Variants in DHRSX observed in about 807,000 individuals in gnomAD.
The protein encoded by DHRSX is polyprenol dehydrogenase.
DHRSX carries 31 observed loss-of-function variants against 34.0 expected under a neutral mutation model. The observed-to-expected ratio is 0.91, with a 90% confidence interval of 0.69 to 1.23. The LOEUF (loss-of-function observed/expected upper bound fraction) is 1.23. Among genes scored for constraint, DHRSX ranks in the 50% most tolerant of loss-of-function variants. DHRSX has a pLI of 0.00. For synonymous variants in DHRSX, 201 were observed against 183.8 expected (o/e 1.09, Z -0.76); for missense variants, 414 against 428.1 (o/e 0.97, Z 0.29).
intron 3 of DHRSX, among the ~76,000 whole-genome samples, chrX:2,356,824 G>C (rs1268103498): frequency 6.6e-6 from 1 of 152,110 alleles, no homozygotes; most frequent in Non-Finnish European, 1.5e-5. Context: ...GCTTACTTTA[G>C]TCTAAGCATA....
At chrX:2,469,103 T>A (rs1338055253) in intron 1 of DHRSX, among the ~76,000 whole-genome samples, 1 of 150,898 alleles carries the variant, frequency 6.6e-6, no homozygotes, top group African/African-American at 2.4e-5. Flanking sequence ...ACCACTGCCA[T>A]GTACACACTG....
chrX:2,474,553 C>A lies in DHRSX; in HGVS notation c.109+26264G>T, dbSNP rs1015182687. Among the ~76,000 whole-genome samples the A allele has an allele frequency of 5.3e-5, 8 of 150,280 alleles. 1 individual carries two copies. The highest frequency in any genetic ancestry group is 2.0e-4 in the African/African-American group (8 of 40,704). On this transcript the variant is annotated intron_variant, in intron 1 of 6. Transcript: ENST00000334651. Reference sequence around the variant, plus strand: ...TGAAGCCATTCCTTAAGCATGTGGCCCAAGGGACTGCCACGCTGTGCATAC... The same window carrying A: ...TGAAGCCATTCCTTAAGCATGTGGCACAAGGGACTGCCACGCTGTGCATAC...
intron 2 of DHRSX, among the ~76,000 whole-genome samples, chrX:2,415,117 C>A (rs767929772): frequency 1.3e-5 from 2 of 151,960 alleles, no homozygotes; most frequent in African/African-American, 4.8e-5. Context: ...CTCATCATGA[C>A]CAATGCACTA....
intron 3 of DHRSX, among the ~76,000 whole-genome samples, chrX:2,394,797 C>T (rs1449751959): frequency 1.3e-5 from 2 of 150,786 alleles, no homozygotes; most frequent in South Asian, 2.1e-4. Context: ...ACCTGGGAGG[C>T]GGAAGTTGCC....
At position 2,437,946 on chromosome X, in the gene DHRSX, C is replaced by T. The variant is rs545074768; in HGVS notation, c.110-12642G>A. ...AACAATATGTGGCAACCATTCTAAG[C>T]GAACCTCAGATGAAGCACCTTGAAG... On this transcript the variant is annotated intron_variant, in intron 1 of 6. Coordinates refer to ENST00000334651, the MANE Select transcript of DHRSX (RefSeq NM_145177.3). Among the ~76,000 whole-genome samples the T allele has an allele frequency of 6.6e-5, 10 of 151,444 alleles. No homozygotes were observed. The South Asian group carries it at 2.1e-3, about 32-fold the overall frequency.
chrX:2,314,434 G>A (rs867650702), intron 3 of DHRSX, among the ~76,000 whole-genome samples: 179 of 81,520 alleles, frequency 2.2e-3, no homozygotes, highest in South Asian at 3.8e-3. Context: ...AGGGGAGAAG[G>A]GAGGAAGGAA....
At chrX:2,380,022 C>A (rs778051671) in intron 3 of DHRSX, among the ~76,000 whole-genome samples, 1 of 152,124 alleles carries the variant, frequency 6.6e-6, no homozygotes, top group African/African-American at 2.4e-5. Flanking sequence ...ATTGGCCGGG[C>A]CCATTCGCTC....
intron 6 of DHRSX, among the ~76,000 whole-genome samples, chrX:2,234,137 A>G (rs1462108779): frequency 2.6e-5 from 4 of 151,614 alleles, no homozygotes; most frequent in Admixed American, 6.6e-5. Flanking sequence ...GGATCCATGC[A>G]CATGCATTCA....
At chrX:2,322,880 C>T (rs1426072192) in intron 3 of DHRSX, among the ~76,000 whole-genome samples, 4 of 151,938 alleles carry the variant, frequency 2.6e-5, no homozygotes, top group African/African-American at 2.4e-5. Context: ...TGTGTGACGC[C>T]CCTAACTCCC....
At chrX:2,344,780 G>A (rs1357679863) in intron 3 of DHRSX, among the ~76,000 whole-genome samples, 1 of 150,282 alleles carries the variant, frequency 6.7e-6, no homozygotes, top group Middle Eastern at 3.4e-3. Context: ...GGGTTGATGG[G>A]TGCAGCAACC....
intron 1 of DHRSX, among the ~76,000 whole-genome samples, chrX:2,435,690 A>C (rs2043982795): frequency 6.6e-6 from 1 of 152,170 alleles, no homozygotes; most frequent in Admixed American, 6.6e-5. Context: ...GTTTGAGCCC[A>C]GGACTTGAAG....
At chrX:2,343,962 G>A (rs1398242384) in intron 3 of DHRSX, among the ~76,000 whole-genome samples, 1 of 152,130 alleles carries the variant, frequency 6.6e-6, no homozygotes. Flanking sequence ...AAGGGCTCAA[G>A]CCATTTCAGT....
At chrX:2,238,784 C>T (rs939016767) in intron 6 of DHRSX, among the ~76,000 whole-genome samples, 4 of 151,498 alleles carry the variant, frequency 2.6e-5, no homozygotes, top group Non-Finnish European at 5.9e-5. Context: ...GGTGTTTCAC[C>T]ATGTTTGACA....
intron 3 of DHRSX, among the ~76,000 whole-genome samples, chrX:2,372,647 T>C (rs28667034): frequency 0.32 from 48,086 of 150,628 alleles, 8,343 homozygotes; most frequent in African/African-American, 0.45. Context: ...TTCCTCTTGT[T>C]GCCCAGGCTG....
chrX:2,237,612 C>T (rs1301812811), intron 6 of DHRSX, among the ~76,000 whole-genome samples: 1 of 151,634 alleles, frequency 6.6e-6, no homozygotes, highest in Non-Finnish European at 1.5e-5. Context: ...TCAAGCGATT[C>T]TCCTGCCTCA....
chrX:2,236,060 T>C (rs182593889), intron 6 of DHRSX, among the ~76,000 whole-genome samples: 131,822 of 151,936 alleles, frequency 0.87, 57,713 homozygotes, highest in African/African-American at 0.96. Context: ...TGCAGTGAGC[T>C]GAGATCGCGC....
chrX:2,323,583 G>C lies in DHRSX; in HGVS notation c.287-31980C>G, dbSNP rs762641164. Reference sequence around the variant, plus strand: ...TTTAAGACCAGCCTGAGCAACAGAGGAAGATCCCATCTCTACAAAATATTT... The same window carrying C: ...TTTAAGACCAGCCTGAGCAACAGAGCAAGATCCCATCTCTACAAAATATTT... On this transcript the variant is annotated intron_variant, in intron 3 of 6. Coordinates refer to ENST00000334651, the MANE Select transcript of DHRSX (RefSeq NM_145177.3). Among the ~76,000 whole-genome samples the C allele has an allele frequency of 2.6e-5, 4 of 152,198 alleles. No homozygotes were observed. The East Asian group carries it at 7.7e-4, about 29-fold the overall frequency.
At chrX:2,346,653 T>TTTTTTG (rs1556483986) in intron 3 of DHRSX, among the ~76,000 whole-genome samples, 16,623 of 150,678 alleles carry the variant, frequency 0.11, 1,094 homozygotes, top group South Asian at 0.16. Context: ...TGGTTTTTTT[T>TTTTTTG]TTGTTGTTGT....
chrX:2,478,959 C>G (rs6641812), intron 1 of DHRSX, among the ~76,000 whole-genome samples: 45,252 of 150,070 alleles, frequency 0.3, 7,222 homozygotes, highest in African/African-American at 0.41. Flanking sequence ...GCAGCCAAGG[C>G]AAGGCACTGA....
Sources: gnomAD v4.1 joint callset for allele counts (sites outside exome capture counted in the v4.1 genomes callset) on GRCh38, gnomAD v4.1.1 for gene constraint, MANE v1.5 for transcripts, NCBI Gene and HGNC (gene_info 2026-07-23, HGNC 2026-07-21) for gene names.